Variants in INO80D observed in about 807,000 individuals in gnomAD.
The protein encoded by INO80D is INO80 complex subunit D.
INO80D carries 21 observed loss-of-function variants against 87.6 expected under a neutral mutation model. That is an observed-to-expected ratio of 0.24 (90% CI 0.17 to 0.35). The LOEUF is 0.35. Among genes scored for constraint, INO80D ranks in the 10% least tolerant of loss-of-function variants. INO80D has a pLI of 1.00. For missense variants in INO80D, 982 were observed against 1,280.7 expected (o/e 0.77, Z 3.56); for synonymous variants, 440 against 491.0 (o/e 0.90, Z 1.37).
At chr2:206,043,374 G>A (rs181056999) in intron 5 of INO80D, among the ~76,000 whole-genome samples, 423 of 152,262 alleles carry the variant, frequency 2.8e-3, no homozygotes, top group Non-Finnish European at 4.2e-3. Context: ...GTTTCACCAT[G>A]TTGGTAAGGC....
At chr2:206,027,016 A>G (rs1416078577) in intron 6 of INO80D, among the ~76,000 whole-genome samples, 1 of 152,268 alleles carries the variant, frequency 6.6e-6, no homozygotes, top group African/African-American at 2.4e-5. Context: ...TCTCATGAGA[A>G]AGTGGTCATA....
intron 9 of INO80D, among the ~76,000 whole-genome samples, chr2:206,008,175 G>A (rs1031356183): frequency 2.0e-5 from 3 of 151,920 alleles, no homozygotes; most frequent in African/African-American, 7.3e-5. Context: ...GTAGAGACGG[G>A]GTTTACCCAT....
chr2:206,081,459 A>C (rs1690280958), intron 1 of INO80D, among the ~76,000 whole-genome samples: 1 of 152,170 alleles, frequency 6.6e-6, no homozygotes, highest in South Asian at 2.1e-4. Context: ...ACTACTAGAA[A>C]AGTAAGGTGG....
In INO80D at chr2:206,002,906, A is replaced by C. The variant is rs1393185187; in HGVS notation, c.*1462T>G. On this transcript the variant is annotated 3_prime_UTR_variant, in exon 11 of 11. Coordinates refer to ENST00000403263, the MANE Select transcript of INO80D (RefSeq NM_017759.5). ...AGGGACAGTGAAACTACTCAGCAAA[A>C]GCAGAGTAGAGATGCCTTTAAAATC... 3 of 152,196 alleles carry C rather than the reference A, an allele frequency of 2.0e-5. No individual in the cohort carries two copies. Among genetic ancestry groups the C allele is most frequent in the African/African-American group, 7.2e-5 (3 of 41,438 alleles). 9.4% of individuals were successfully genotyped at this position (152,196 alleles called of 1,614,324 possible).
chr2:206,042,938 C>G (rs1056702636), intron 5 of INO80D, among the ~76,000 whole-genome samples: 23 of 152,344 alleles, frequency 1.5e-4, no homozygotes, highest in African/African-American at 5.5e-4. Context: ...CACCACTGCA[C>G]TCCCGCCTGG....
intron 5 of INO80D, among the ~76,000 whole-genome samples, chr2:206,030,427 C>T (rs1161342770): frequency 6.6e-6 from 1 of 151,448 alleles, no homozygotes; most frequent in African/African-American, 2.4e-5. Context: ...CACAGCAGTG[C>T]ACTCCATCCT....
intron 1 of INO80D, among the ~76,000 whole-genome samples, chr2:206,084,202 C>A (rs919291098): frequency 6.1e-5 from 9 of 147,548 alleles, no homozygotes; most frequent in African/African-American, 2.0e-4. Flanking sequence ...AAAATATATA[C>A]ATACACATAT....
chr2:205,997,455 T>G lies in INO80D; in HGVS notation c.*6913A>C, dbSNP rs554869583. 4.6e-5 allele frequency: 7 copies of G among 152,134 alleles called. No individual in the cohort carries two copies. Among genetic ancestry groups the G allele is most frequent in the Non-Finnish European group, 8.8e-5 (6 of 67,980 alleles). The allele number at this position is 152,134 out of a possible 1,614,324, so 9.4% of individuals were successfully genotyped here. A position where few individuals can be genotyped will look rare whatever the true frequency, so the allele number is the denominator to read the frequency against. ...ACAAAGCAGCCCCTTCCAAAAATTG[T>G]TTATGAAAGGCCTATACTTTTTCTT... On this transcript the variant is annotated 3_prime_UTR_variant, in exon 11 of 11. Coordinates refer to ENST00000403263, the MANE Select transcript of INO80D (RefSeq NM_017759.5).
chr2:206,031,176 C>T (rs1373197540), intron 5 of INO80D, among the ~76,000 whole-genome samples: 2 of 151,810 alleles, frequency 1.3e-5, no homozygotes, highest in Non-Finnish European at 2.9e-5. Flanking sequence ...ATCACTTGAA[C>T]CCAGGAGGCA....
chr2:206,018,491 C>CT (rs2105816360), intron 7 of INO80D, among the ~76,000 whole-genome samples: 1 of 152,158 alleles, frequency 6.6e-6, no homozygotes, highest in Non-Finnish European at 1.5e-5. Flanking sequence ...AAATTTTCTG[C>CT]CTATGATACT....
At chr2:206,051,599 C>A (rs947723810) in intron 4 of INO80D, among the ~76,000 whole-genome samples, 1 of 151,952 alleles carries the variant, frequency 6.6e-6, no homozygotes, top group Admixed American at 6.6e-5. Context: ...TCCACAGATC[C>A]CCAGAAGTCC....
chr2:206,078,731 G>C (rs1056621139), intron 1 of INO80D, among the ~76,000 whole-genome samples: 1 of 152,130 alleles, frequency 6.6e-6, no homozygotes, highest in African/African-American at 2.4e-5. Flanking sequence ...TGGATCACGA[G>C]ATCAGGAGTT....
chr2:206,073,947 G>A (rs573945550), intron 1 of INO80D, among the ~76,000 whole-genome samples: 3 of 151,820 alleles, frequency 2.0e-5, no homozygotes, highest in Non-Finnish European at 4.4e-5. Context: ...TAGTCTCAGT[G>A]AGCCTCCTGC....
At chr2:206,005,558 A>G (rs1209240314) in intron 10 of INO80D, 25 bp from the exon 11 acceptor site, 4 of 1,555,156 alleles carry the variant, frequency 2.6e-6, no homozygotes, top group African/African-American at 1.4e-5. Flanking sequence ...GCCATCGACA[A>G]TCAGTAGAGC....
chr2:206,083,755 T>G (rs1025493041), intron 1 of INO80D, among the ~76,000 whole-genome samples: 2 of 147,576 alleles, frequency 1.4e-5, no homozygotes, highest in Admixed American at 7.0e-5. Context: ...ACAACAGTGC[T>G]GGGGGTACTG....
intron 10 of INO80D, among the ~76,000 whole-genome samples, chr2:206,006,159 C>T (rs1309998765): frequency 6.6e-6 from 1 of 152,142 alleles, no homozygotes; most frequent in African/African-American, 2.4e-5. Flanking sequence ...GCCCATGGAC[C>T]TACTTTGATT....
chr2:206,078,050 T>C (rs146086953), intron 1 of INO80D, among the ~76,000 whole-genome samples: 79 of 97,360 alleles, frequency 8.1e-4, no homozygotes, highest in Non-Finnish European at 1.4e-3. Flanking sequence ...AGCAAGTTGT[T>C]GCAATGTTTA....
At chr2:206,028,789 T>C (rs1688684776) in intron 5 of INO80D, among the ~76,000 whole-genome samples, 1 of 152,238 alleles carries the variant, frequency 6.6e-6, no homozygotes, top group Non-Finnish European at 1.5e-5. Context: ...GCTGCCCTTT[T>C]AACCATTCTG....
At chr2:206,050,904 G>A (rs1167929577) in intron 4 of INO80D, among the ~76,000 whole-genome samples, 1 of 152,072 alleles carries the variant, frequency 6.6e-6, no homozygotes, top group Non-Finnish European at 1.5e-5. Context: ...GGGAGGCGGA[G>A]CTTGCAGTGA....
Sources: gnomAD v4.1 joint callset for allele counts (sites outside exome capture counted in the v4.1 genomes callset) on GRCh38, gnomAD v4.1.1 for gene constraint, MANE v1.5 for transcripts, NCBI Gene and HGNC (gene_info 2026-07-23, HGNC 2026-07-21) for gene names.